The following MACROD2 variants were observed in gnomAD, a reference collection of about 807,000 sequenced individuals.
MACROD2 encodes the protein mono-ADP ribosylhydrolase 2.
MACROD2 carries 36 observed loss-of-function variants against 70.4 expected under a neutral mutation model. That is an observed-to-expected ratio of 0.51 (90% confidence interval 0.39 to 0.68). The LOEUF is 0.68. Among genes scored for constraint, MACROD2 ranks in the 30% least tolerant of loss-of-function variants. The pLI, the probability that MACROD2 is intolerant of heterozygous loss-of-function variation, is 0.00. For synonymous variants in MACROD2, 172 were observed against 178.8 expected, an observed-to-expected ratio of 0.96 and a Z score of 0.30; for missense variants, 496 against 538.4, an observed-to-expected ratio of 0.92 and a Z score of 0.78.
At chr20:14,421,602 A>T (rs1465510037) in intron 3 of MACROD2, among the ~76,000 whole-genome samples, 1 of 151,978 alleles carries the variant, frequency 6.6e-6, no homozygotes, top group Non-Finnish European at 1.5e-5. Context: ...GTTTGTTGTG[A>T]TTTTATTTTC....
chr20:14,197,553 AG>A (rs2081442719), intron 3 of MACROD2, among the ~76,000 whole-genome samples: 1 of 152,042 alleles, frequency 6.6e-6, no homozygotes, highest in Non-Finnish European at 1.5e-5. Context: ...AGATCACCTG[AG>A]GTTGGGAGTT....
Position 15,191,931 on chromosome 20 carries a change from T to TATATATATAGAG in MACROD2, c.419-38008_419-38007insTATATATAGAGA, listed in dbSNP as rs150210305. 2.9e-4 allele frequency among the ~76,000 whole-genome samples: 41 copies of TATATATATAGAG among 142,290 alleles called. 1 individual carries two copies. The highest frequency in any genetic ancestry group is 1.0e-3 in the African/African-American group (38 of 38,142). 93.3% of individuals were successfully genotyped at this position (142,290 alleles called of 152,430 possible). On this transcript the variant is annotated intron_variant, in intron 5 of 17. Transcript: ENST00000684519. ...ACACATATGTGTATATATATATATA[T>TATATATATAGAG]AGAGAGAGAGAGAGTTAATACATAT...
chr20:14,701,217 C>T (rs1932951), intron 5 of MACROD2, among the ~76,000 whole-genome samples: 52,423 of 151,928 alleles, frequency 0.35, 9,626 homozygotes, highest in East Asian at 0.6. Context: ...TTTGTATTTC[C>T]ATATGTCACT....
rs557949316 is a variant in MACROD2 at position 15,374,928 on chromosome 20, C to A, written c.541-56477C>A. On this transcript the variant is annotated intron_variant, in intron 6 of 17. Transcript: ENST00000684519. ...AAACTAGTGCGCAGTAAAGACCAGA[C>A]AATTGCTTATCATGAGGATGGATTG... is the stretch of plus-strand genomic sequence containing the variant. Among the ~76,000 whole-genome samples, 27 of 152,294 alleles carry A rather than the reference C, an allele frequency of 1.8e-4. No individual in the cohort carries two copies. In the South Asian group the frequency reaches 5.2e-3, roughly 29 times the overall value.
chr20:14,298,979 T>G (rs1483887662), intron 3 of MACROD2, among the ~76,000 whole-genome samples: 1 of 152,220 alleles, frequency 6.6e-6, no homozygotes, highest in Admixed American at 6.5e-5. Flanking sequence ...CTGGTGAAGA[T>G]GCTGTGAACA....
chr20:15,681,250 G>A (rs965397799), intron 8 of MACROD2, among the ~76,000 whole-genome samples: 1 of 152,206 alleles, frequency 6.6e-6, no homozygotes, highest in African/African-American at 2.4e-5. Context: ...GTCTTCATAT[G>A]TAATTTGTGG....
At chr20:14,158,000 C>T (rs192892669) in intron 3 of MACROD2, among the ~76,000 whole-genome samples, 2 of 152,270 alleles carry the variant, frequency 1.3e-5, no homozygotes, top group Admixed American at 1.3e-4. Context: ...CAAAAATCTA[C>T]TATTTTCCAT....
intron 8 of MACROD2, among the ~76,000 whole-genome samples, chr20:15,809,462 C>T (rs2063797757): frequency 6.6e-6 from 1 of 152,170 alleles, no homozygotes; most frequent in Admixed American, 6.5e-5. Context: ...TCTAGGAGGA[C>T]CTCAGGCTGC....
chr20:14,046,540 A>G (rs937457877), intron 2 of MACROD2, among the ~76,000 whole-genome samples: 22 of 152,228 alleles, frequency 1.4e-4, no homozygotes, highest in Non-Finnish European at 2.6e-4. Flanking sequence ...AATTCTACCT[A>G]TGCATACATA....
At chr20:14,831,930 G>T (rs1047439445) in intron 5 of MACROD2, among the ~76,000 whole-genome samples, 2 of 138,946 alleles carry the variant, frequency 1.4e-5, no homozygotes, top group Non-Finnish European at 3.2e-5. Flanking sequence ...TCTTGGGGAT[G>T]CATTCTGACT....
chr20:15,418,062 G>A (rs1568792160), intron 6 of MACROD2, among the ~76,000 whole-genome samples: 1 of 152,168 alleles, frequency 6.6e-6, no homozygotes, highest in African/African-American at 2.4e-5. Flanking sequence ...TGAGTCAAAG[G>A]ATCGGGGCTT....
rs539354073 is a variant in MACROD2, at chr20:15,969,307, A to G, written c.985+1677A>G. Among the ~76,000 whole-genome samples the G allele has an allele frequency of 2.6e-5, 4 of 152,290 alleles. No individual in the cohort carries two copies. The South Asian group carries it at 6.2e-4, about 24-fold the overall frequency. ...ATTTGCAAAATATAATGTCCAGCAC[A>G]CACATAAAAAATACCCCAAAAAATG... is the stretch of plus-strand genomic sequence containing the variant. On this transcript the variant is annotated intron_variant, in intron 13 of 17. Transcript: ENST00000684519.
chr20:14,404,398 C>T (rs73092483), intron 3 of MACROD2, among the ~76,000 whole-genome samples: 7,984 of 152,046 alleles, frequency 0.053, 307 homozygotes, highest in Non-Finnish European at 0.081. Context: ...AGGCTGAGGT[C>T]GGCAGATCAC....
chr20:15,802,896 C>G (rs1321130924), intron 8 of MACROD2, among the ~76,000 whole-genome samples: 9 of 151,998 alleles, frequency 5.9e-5, no homozygotes, highest in African/African-American at 2.2e-4. Flanking sequence ...CAACTATACG[C>G]TAACAAACTG....
chr20:15,268,756 A>C (rs955531900), intron 6 of MACROD2, among the ~76,000 whole-genome samples: 2 of 152,046 alleles, frequency 1.3e-5, no homozygotes, highest in Non-Finnish European at 2.9e-5. Flanking sequence ...AGAATCATGG[A>C]CTCTTTCAAG....
intron 8 of MACROD2, among the ~76,000 whole-genome samples, chr20:15,770,089 C>CTT (rs1156897064): frequency 8.1e-4 from 36 of 44,388 alleles, no homozygotes; most frequent in East Asian, 1.7e-3. Flanking sequence ...TTTTAATTTT[C>CTT]TTTTTTTTTT....
intron 10 of MACROD2, among the ~76,000 whole-genome samples, chr20:15,886,805 A>G (rs937117807): frequency 1.2e-4 from 18 of 152,142 alleles, no homozygotes; most frequent in African/African-American, 3.9e-4. Context: ...TCTGGGGGCA[A>G]TAATTCTTAC....
At chr20:14,096,894 TTCCTAGATTTC>T (rs2054235072) in intron 3 of MACROD2, among the ~76,000 whole-genome samples, 1 of 152,194 alleles carries the variant, frequency 6.6e-6, no homozygotes, top group Non-Finnish European at 1.5e-5. Context: ...TTTAGTGCCT[TTCCTAGATTTC>T]TGAGGATTTG....
At chr20:14,057,322 TAAGAGA>T (rs1297808139) in intron 2 of MACROD2, among the ~76,000 whole-genome samples, 1 of 152,076 alleles carries the variant, frequency 6.6e-6, no homozygotes, top group African/African-American at 2.4e-5. Flanking sequence ...AAGTTACTGA[TAAGAGA>T]AAAACAAAAC....
Sources: allele counts gnomAD v4.1 joint callset (sites outside exome capture counted in the v4.1 genomes callset), GRCh38; gene constraint gnomAD v4.1.1; transcripts MANE v1.5; gene names NCBI Gene and HGNC (gene_info 2026-07-23, HGNC 2026-07-21).